The following SLC35B3 variants were observed in gnomAD, a reference collection of about 807,000 sequenced individuals.
SLC35B3 encodes the protein solute carrier family 35 member B3.
A neutral mutation model predicts 44.1 loss-of-function variants in SLC35B3; 35 were observed. The observed-to-expected ratio is 0.79, with a 90% CI of 0.61 to 1.05. SLC35B3 has a LOEUF of 1.05. Ranked by LOEUF, SLC35B3 falls within the 50% of genes least tolerant of loss-of-function variation. The probability of loss-of-function intolerance (pLI) is 0.00; values close to 1 mark genes in which losing one functional copy is unlikely to be tolerated. For synonymous variants in SLC35B3, 146 were observed against 167.3 expected (o/e 0.87, Z 0.98); for missense variants, 414 against 476.4 (o/e 0.87, Z 1.22).
At position 8,435,140 on chromosome 6, in the gene SLC35B3, G is replaced by C; in HGVS notation, c.-44+203C>G. 7.8e-7 allele frequency: 1 copy of C among 1,277,170 alleles called. No homozygotes were observed. The highest frequency in any genetic ancestry group is 1.3e-5 in the South Asian group (1 of 79,992). The allele number at this position is 1,277,170 out of a possible 1,614,324, so 79.1% of individuals were successfully genotyped here. ...GCCAGCCCGAGGGCGAAAAACGGGCGAGGAGGAACAGATGCTCCTCCCTGG... is the reference window on the plus strand; with the variant it reads ...GCCAGCCCGAGGGCGAAAAACGGGCCAGGAGGAACAGATGCTCCTCCCTGG... On this transcript the variant is annotated intron_variant, in intron 1 of 10. Transcript: ENST00000644923. This position sits in a 1 kb window ranked among gnomAD's most constrained non-coding sequence, Gnocchi z 5.5.
At chr6:8,425,298 G>T (rs1763313188) in intron 4 of SLC35B3, among the ~76,000 whole-genome samples, 1 of 152,032 alleles carries the variant, frequency 6.6e-6, no homozygotes. Context: ...ACCTTAGAAG[G>T]CCCAGTAGTT....
At chr6:8,428,909 A>G (rs1180415449) in intron 3 of SLC35B3, among the ~76,000 whole-genome samples, 1 of 152,144 alleles carries the variant, frequency 6.6e-6, no homozygotes, top group African/African-American at 2.4e-5. Context: ...TTTGTTTTAC[A>G]TTAATATTGT....
At chr6:8,427,247 A>T (rs1470046574) in intron 4 of SLC35B3, among the ~76,000 whole-genome samples, 1 of 152,182 alleles carries the variant, frequency 6.6e-6, no homozygotes, top group African/African-American at 2.4e-5. Flanking sequence ...GTTAATCCCC[A>T]AGACAATGGG....
chr6:8,414,594 T>C (rs1762246791), intron 10 of SLC35B3, among the ~76,000 whole-genome samples: 1 of 152,198 alleles, frequency 6.6e-6, no homozygotes, highest in East Asian at 1.9e-4. Context: ...ATCACTCATA[T>C]TCACTCATAA....
Position 8,413,443 on chromosome 6 carries a change from G to T in SLC35B3, c.*106C>A. On this transcript the variant is annotated 3_prime_UTR_variant, in exon 11 of 11. Transcript: ENST00000644923. The stretch of plus-strand genomic sequence containing the variant: ...TTCATATGAAATCTGTCCACAAATG[G>T]GATAGCAATGCCTCCAGATCCTTTG... The T allele has an allele frequency of 1.1e-6, 1 of 932,206 alleles. No homozygotes were observed. Among genetic ancestry groups the T allele is most frequent in the Non-Finnish European group, 1.6e-6 (1 of 639,080 alleles). The allele number at this position is 932,206 out of a possible 1,614,324, so 57.7% of individuals were successfully genotyped here. A position where few individuals can be genotyped will look rare whatever the true frequency, so the allele number is the denominator to read the frequency against.
intron 4 of SLC35B3, among the ~76,000 whole-genome samples, chr6:8,425,982 A>G (rs935292819): frequency 1.3e-5 from 2 of 152,214 alleles, no homozygotes; most frequent in African/African-American, 4.8e-5. Flanking sequence ...CTGAAATGAT[A>G]TTGTCAAACA....
chr6:8,415,097 G>T, intron 9 of SLC35B3, 120 bp from the exon 9 acceptor site: 1 of 559,236 alleles, frequency 1.8e-6, no homozygotes. Context: ...GTGCCAAGGT[G>T]ACAATGGAAA....
intron 4 of SLC35B3, 188 bp downstream of exon 3, chr6:8,427,749 C>T (rs2275120): frequency 0.46 from 194,458 of 420,262 alleles, 47,376 homozygotes; most frequent in African/African-American, 0.7. Context: ...TTTTGTAATA[C>T]TGCATTTAAG....
At chr6:8,414,800 A>C (rs113121615) in intron 10 of SLC35B3, 108 bp downstream of exon 9, 2 of 532,538 alleles carry the variant, frequency 3.8e-6, no homozygotes, top group Admixed American at 7.2e-5. Context: ...AAATAAATAC[A>C]CTTACTACAA....
At chr6:8,423,136 C>T (rs747932062) in intron 4 of SLC35B3, among the ~76,000 whole-genome samples, 50 of 152,048 alleles carry the variant, frequency 3.3e-4, no homozygotes, top group African/African-American at 6.5e-4. Context: ...TACAGGTGTG[C>T]GCCACCATGC....
intron 10 of SLC35B3, among the ~76,000 whole-genome samples, chr6:8,414,591 A>G (rs1308794886): frequency 6.6e-6 from 1 of 152,198 alleles, no homozygotes; most frequent in East Asian, 1.9e-4. Context: ...CACATCACTC[A>G]TATTCACTCA....
intron 4 of SLC35B3, among the ~76,000 whole-genome samples, chr6:8,422,931 G>A (rs1156859273): frequency 2.0e-5 from 3 of 149,698 alleles, no homozygotes; most frequent in African/African-American, 7.3e-5. Flanking sequence ...TTTAACAGCA[G>A]TTCTAGCCAC....
In SLC35B3 at chr6:8,429,936, A is replaced by T. The variant is rs1212440197; in HGVS notation, c.225T>A (p.Phe75Leu). ...ATATGAAAAACTGAGTAAGTTTGTT[A>T]AACTTGCTGAGATTCATGCCAAGTA... Residue 75 changes from phenylalanine to leucine, a missense_variant, in exon 3 of 11, where the codon TTT (phenylalanine) becomes TTA (leucine). Coordinates refer to ENST00000644923, the MANE Select transcript of SLC35B3 (RefSeq NM_001370476.2). 1.2e-6 allele frequency: 2 copies of T among 1,611,468 alleles called. No homozygotes were observed. The highest frequency in any genetic ancestry group is 1.7e-6 in the Non-Finnish European group (2 of 1,179,110).
Position 8,416,952 on chromosome 6 carries a change from G to T in SLC35B3, c.917C>A (p.Thr306Asn), listed in dbSNP as rs1297674489. The stretch of plus-strand genomic sequence containing the variant: ...AACAAAGGAGATTCCAAAATATCCA[G>T]TGAGGGAAAAAAGGAACGCATAACC... Residue 306 changes from threonine (T) to asparagine (N), a missense_variant, in exon 9 of 11, where the codon ACT becomes AAT. Physicochemically the swap from Thr to Asn is moderately conservative, Grantham distance 65. Transcript: ENST00000644923. 6.2e-7 allele frequency: 1 copy of T among 1,605,730 alleles called. No homozygotes were observed. Among genetic ancestry groups the T allele is most frequent in the South Asian group, 1.1e-5 (1 of 89,352 alleles).
chr6:8,415,163 G>C (rs528693974), intron 9 of SLC35B3, among the ~76,000 whole-genome samples, 186 bp from the exon 9 acceptor site: 2 of 152,254 alleles, frequency 1.3e-5, no homozygotes, highest in South Asian at 4.1e-4. Flanking sequence ...TGTTACTATG[G>C]AGTTTAGTCT....
At chr6:8,417,530 A>G (rs375309754) in intron 7 of SLC35B3, 36 bp from the exon 7 acceptor site, 158 of 1,285,308 alleles carry the variant, frequency 1.2e-4, no homozygotes, top group Non-Finnish European at 1.7e-4. Context: ...AAAAAGTACT[A>G]TGAAACTGAA....
chr6:8,425,841 A>G (rs1272790747), intron 4 of SLC35B3, among the ~76,000 whole-genome samples: 1 of 152,220 alleles, frequency 6.6e-6, no homozygotes, highest in Non-Finnish European at 1.5e-5. Flanking sequence ...TTCTTACATT[A>G]ACCAAGAACA....
chr6:8,425,611 A>C (rs1763337751), intron 4 of SLC35B3, among the ~76,000 whole-genome samples: 1 of 152,118 alleles, frequency 6.6e-6, no homozygotes, highest in Non-Finnish European at 1.5e-5. Context: ...CCATGAAGAA[A>C]CCTGTAATAT....
Position 8,413,251 on chromosome 6 carries a change from C to T in SLC35B3, c.*298G>A. ...TAGGATATAATTATAGCCAATTAGTCTTGCAACACATGGTCCATTTCCAGT... is the reference window on the plus strand; with the variant it reads ...TAGGATATAATTATAGCCAATTAGTTTTGCAACACATGGTCCATTTCCAGT... On this transcript the variant is annotated 3_prime_UTR_variant, in exon 11 of 11. Coordinates refer to ENST00000644923, the MANE Select transcript of SLC35B3 (RefSeq NM_001370476.2). 3.7e-6 allele frequency: 1 copy of T among 267,754 alleles called. No individual in the cohort carries two copies. The highest frequency in any genetic ancestry group is 7.0e-6 in the Non-Finnish European group (1 of 142,244). The allele number at this position is 267,754 out of a possible 1,614,324, so 16.6% of individuals were successfully genotyped here. A position where few individuals can be genotyped will look rare whatever the true frequency, so the allele number is the denominator to read the frequency against.
Sources: allele counts gnomAD v4.1 joint callset (sites outside exome capture counted in the v4.1 genomes callset), GRCh38; gene constraint gnomAD v4.1.1; non-coding constraint Gnocchi (gnomAD v3.1); transcripts MANE v1.5; gene names NCBI Gene and HGNC (gene_info 2026-07-23, HGNC 2026-07-21).